The following TP63 variants were observed in gnomAD, a reference collection of about 807,000 sequenced individuals.
The protein encoded by TP63 is tumor protein p63, also known as tumor protein 63.
A neutral mutation model predicts 82.8 loss-of-function variants in TP63; 17 were observed. That is an observed-to-expected ratio of 0.21 (90% CI 0.14 to 0.31). The LOEUF (loss-of-function observed/expected upper bound fraction) is 0.31, where lower values mean the gene tolerates loss of function less well. Ranked by LOEUF, TP63 falls within the 10% of genes least tolerant of loss-of-function variation. The probability of loss-of-function intolerance (pLI) is 1.00; values close to 1 mark genes in which losing one functional copy is unlikely to be tolerated. For synonymous variants in TP63, 330 were observed against 321.7 expected (o/e 1.03, Z -0.28); for missense variants, 648 against 895.3 (o/e 0.72, Z 3.52).
At chr3:189,769,899 A>T (rs928422421) in intron 3 of TP63, among the ~76,000 whole-genome samples, 3 of 152,248 alleles carry the variant, frequency 2.0e-5, no homozygotes, top group Non-Finnish European at 4.4e-5. Context: ...AAATTTTCTA[A>T]AAAGATGAAC....
intron 3 of TP63, among the ~76,000 whole-genome samples, chr3:189,780,517 TC>T (rs143036245): frequency 0.13 from 20,134 of 152,182 alleles, 1,451 homozygotes; most frequent in East Asian, 0.32. Context: ...GGCCCCTATT[TC>T]CTAATTCTAT....
At chr3:189,763,259 G>A (rs894405285) in intron 3 of TP63, among the ~76,000 whole-genome samples, 3 of 152,146 alleles carry the variant, frequency 2.0e-5, no homozygotes, top group African/African-American at 7.2e-5. Context: ...GACAGACAGA[G>A]CAAGGCCCTG....
chr3:189,810,761 A>C (rs945080304), intron 4 of TP63, among the ~76,000 whole-genome samples: 2 of 151,642 alleles, frequency 1.3e-5, no homozygotes, highest in African/African-American at 4.8e-5. Flanking sequence ...GAGACTGAGA[A>C]AGGAGAATCA....
the TP63 span, among the ~76,000 whole-genome samples, chr3:189,611,086 C>T: frequency 6.6e-6 from 1 of 152,112 alleles, no homozygotes; most frequent in Non-Finnish European, 1.5e-5. Context: ...GATGGGGACA[C>T]AGCCAAGCCA....
chr3:189,812,908 A>C (rs1433889403), intron 4 of TP63, among the ~76,000 whole-genome samples: 1 of 152,196 alleles, frequency 6.6e-6, no homozygotes, highest in African/African-American at 2.4e-5. Context: ...GGCTATTAAC[A>C]TGCATACTTT....
chr3:189,837,220 T>TCA (rs1204526798), intron 4 of TP63, among the ~76,000 whole-genome samples: 1 of 131,470 alleles, frequency 7.6e-6, no homozygotes, highest in Non-Finnish European at 1.7e-5. Context: ...TTTTTTTTTC[T>TCA]CTCTCTCTCT....
At chr3:189,712,293 G>A (rs558281566) in intron 1 of TP63, among the ~76,000 whole-genome samples, 57 of 152,268 alleles carry the variant, frequency 3.7e-4, no homozygotes, top group Admixed American at 1.3e-3. Flanking sequence ...GATTGGAGAG[G>A]AATAAGAAAG....
rs1718126299 is a variant in TP63, at chr3:189,869,353, A to G, written c.1159A>G (p.Met387Val). 1 of 1,614,124 alleles carries G rather than the reference A, an allele frequency of 6.2e-7. No homozygotes were observed. Among genetic ancestry groups the G allele is most frequent in the Non-Finnish European group, 8.5e-7 (1 of 1,179,982 alleles). Reference protein sequence around the residue: ...PFRQNTHGIQMTSIKKRRSPD... With the variant: ...PFRQNTHGIQVTSIKKRRSPD... Reference sequence around the variant, plus strand: ...TCGTCAGAACACACATGGTATCCAGATGACATCCATCAAGAAACGAAGATC... The same window carrying G: ...TCGTCAGAACACACATGGTATCCAGGTGACATCCATCAAGAAACGAAGATC... Residue 387 changes from methionine to valine, a missense_variant, in exon 9 of 14, where the codon ATG (methionine) becomes GTG (valine). Met to Val is a conservative substitution (Grantham distance 21). Coordinates refer to ENST00000264731, the MANE Select transcript of TP63 (RefSeq NM_003722.5).
chr3:189,817,342 A>T (rs941763111), intron 4 of TP63, among the ~76,000 whole-genome samples: 1 of 152,140 alleles, frequency 6.6e-6, no homozygotes, highest in Non-Finnish European at 1.5e-5. Context: ...AAGACATCTG[A>T]CAGGCTCCTG....
chr3:189,882,275 C>T (rs1418480792), intron 10 of TP63, among the ~76,000 whole-genome samples: 1 of 151,898 alleles, frequency 6.6e-6, no homozygotes, highest in Non-Finnish European at 1.5e-5. Flanking sequence ...TTTATAGTGA[C>T]TTGTATATAA....
At chr3:189,757,016 A>G (rs972152086) in intron 3 of TP63, among the ~76,000 whole-genome samples, 4 of 152,208 alleles carry the variant, frequency 2.6e-5, no homozygotes. Flanking sequence ...TACTCATGCT[A>G]TTAGTCATCT....
At chr3:189,776,264 A>G (rs1723785623) in intron 3 of TP63, among the ~76,000 whole-genome samples, 1 of 152,142 alleles carries the variant, frequency 6.6e-6, no homozygotes, top group Non-Finnish European at 1.5e-5. Context: ...TACTGCTCAT[A>G]TTATCATTAC....
chr3:189,841,780 G>A (rs1195062532), intron 4 of TP63, among the ~76,000 whole-genome samples: 3 of 152,290 alleles, frequency 2.0e-5, no homozygotes, highest in Non-Finnish European at 4.4e-5. Context: ...GACAATCAAA[G>A]AGTATGTGTG....
chr3:189,706,875 A>T (rs1718242134), intron 1 of TP63, among the ~76,000 whole-genome samples: 2 of 152,044 alleles, frequency 1.3e-5, no homozygotes. Flanking sequence ...GAGTCCAAAT[A>T]GACAATCCAA....
intron 5 of TP63, 42 bp downstream of exon 5, chr3:189,864,460 G>T: frequency 6.3e-7 from 1 of 1,577,428 alleles, no homozygotes. Context: ...CCTCCTTGAA[G>T]GTCAAGATTC....
At chr3:189,751,357 A>G (rs1577350354) in intron 3 of TP63, among the ~76,000 whole-genome samples, 1 of 152,214 alleles carries the variant, frequency 6.6e-6, no homozygotes, top group African/African-American at 2.4e-5. Flanking sequence ...GCTGGGTCAA[A>G]TGGTATTTCC....
At chr3:189,730,317 T>C (rs1720067964) in intron 1 of TP63, among the ~76,000 whole-genome samples, 1 of 152,226 alleles carries the variant, frequency 6.6e-6, no homozygotes, top group Admixed American at 6.5e-5. Context: ...TCTGTAAATA[T>C]CATTCACCTA....
At chr3:189,737,483 ATTAG>A (rs552337380) in intron 1 of TP63, among the ~76,000 whole-genome samples, 81 of 152,270 alleles carry the variant, frequency 5.3e-4, no homozygotes, top group African/African-American at 1.9e-3. Context: ...TAATAATATT[ATTAG>A]TTAGGAAAGG....
At chr3:189,880,257 G>T (rs776554860) in intron 10 of TP63, 23 of 1,493,240 alleles carry the variant, frequency 1.5e-5, no homozygotes, top group Non-Finnish European at 2.1e-5. Context: ...ATGTGTGTGC[G>T]TGTGTATCTA....
Sources: gnomAD v4.1 joint callset for allele counts (sites outside exome capture counted in the v4.1 genomes callset) on GRCh38, gnomAD v4.1.1 for gene constraint, MANE v1.5 for transcripts, NCBI Gene and HGNC (gene_info 2026-07-23, HGNC 2026-07-21) for gene names.